The following KCTD17 variants were observed in gnomAD, a reference collection of about 807,000 sequenced individuals.
KCTD17 encodes the protein BTB/POZ domain-containing protein KCTD17.
In KCTD17, 20 loss-of-function variants were observed where a neutral mutation model predicts 41.5. The ratio of observed to expected loss-of-function variants is 0.48; its 90% CI spans 0.34 to 0.70. The LOEUF (loss-of-function observed/expected upper bound fraction) is 0.70. Ranked by LOEUF, KCTD17 falls within the 30% of genes least tolerant of loss-of-function variation. The pLI is 0.01. For missense variants in KCTD17, 317 were observed against 427.2 expected, an observed-to-expected ratio of 0.74 and a Z score of 2.27; for synonymous variants, 156 against 173.8, an observed-to-expected ratio of 0.90 and a Z score of 0.80.
chr22:37,062,627 C>A lies in KCTD17; in HGVS notation c.*33C>A, dbSNP rs765705394. 4.4e-6 allele frequency: 7 copies of A among 1,598,576 alleles called. No individual in the cohort carries two copies. In the African/African-American group the frequency reaches 8.0e-5, roughly 18 times the overall value. The stretch of plus-strand genomic sequence containing the variant: ...TATTTTTGTACCATGGGGTGGGCCC[C>A]GGGCCTGAGAAGGAAGAAGCACCCT... On this transcript the variant is annotated 3_prime_UTR_variant, in exon 9 of 9. Coordinates refer to ENST00000403888, the MANE Select transcript of KCTD17 (RefSeq NM_001282684.2).
chr22:37,062,684 G>T lies in KCTD17; in HGVS notation c.*90G>T, dbSNP rs1925938304. 3.2e-6 allele frequency: 5 copies of T among 1,546,336 alleles called. No individual in the cohort carries two copies. The highest frequency in any genetic ancestry group is 3.5e-6 in the Non-Finnish European group (4 of 1,144,654). On this transcript the variant is annotated 3_prime_UTR_variant, in exon 9 of 9. Coordinates refer to ENST00000403888, the MANE Select transcript of KCTD17 (RefSeq NM_001282684.2). ...GGCCTCCTCTGTCTGCACCCGTGGG[G>T]CTGTGACTTACTCCTGCCTCCAGGG...
rs1924730063 is a variant in KCTD17 at position 37,053,445 on chromosome 22, G to T, written c.298+237G>T. 6.6e-6 allele frequency among the ~76,000 whole-genome samples: 1 copy of T among 152,250 alleles called. No homozygotes were observed. Among genetic ancestry groups the T allele is most frequent in the Admixed American group, 6.5e-5 (1 of 15,292 alleles). On this transcript the variant is annotated intron_variant, in intron 2 of 8. Coordinates refer to ENST00000403888, the MANE Select transcript of KCTD17 (RefSeq NM_001282684.2). This position sits in a 1 kb window ranked among gnomAD's most constrained non-coding sequence, Gnocchi z 4.1. Reference sequence around the variant, plus strand: ...GTCAGGGAGGTGAAGAGACACATGTGCAGGGGATAGAGGAAGTCAGCGAGG... The same window carrying T: ...GTCAGGGAGGTGAAGAGACACATGTTCAGGGGATAGAGGAAGTCAGCGAGG...
Position 37,051,765 on chromosome 22 carries a change from G to A in KCTD17, c.5G>A (p.Arg2Lys). 1 of 1,234,320 alleles carries A rather than the reference G, an allele frequency of 8.1e-7. No homozygotes were observed. Among genetic ancestry groups the A allele is most frequent in the Non-Finnish European group, 1.0e-6 (1 of 989,714 alleles). 76.5% of individuals were successfully genotyped at this position (1,234,320 alleles called of 1,614,324 possible). The change falls in exon 1 of 9, where the codon AGG (arginine) becomes AAG (lysine). Residue 2 changes from arginine (R) to lysine (K), a missense_variant. Physicochemically the swap from Arg to Lys is conservative, Grantham distance 26 (BLOSUM62 2). Around this residue, in one of 4 missense-constraint regions of KCTD17, gnomAD observed 99 missense variants for 166.5 expected, o/e 0.59. Transcript: ENST00000403888. ...ATGCAGACGCCGCGGCCGGCGATGA[G>A]GATGGAGGCCGGGGAGGCAGCGCCG... Reference protein sequence around the residue: MRMEAGEAAPPA... With the variant: MKMEAGEAAPPA...
In KCTD17 at chr22:37,053,078, C is replaced by T. The variant is rs377530202; in HGVS notation, c.190-22C>T. 1.7e-5 allele frequency: 26 copies of T among 1,546,360 alleles called. No individual in the cohort carries two copies. The highest frequency in any genetic ancestry group is 3.8e-5 in the Admixed American group (2 of 52,590). ...GGGAGAAGCCTCACTCTTCTCTCAC[C>T]GAGCATCCCTCACCTCCATAGGATG... On this transcript the variant is annotated intron_variant, in intron 1 of 8. Transcript: ENST00000403888. This position sits in a 1 kb window ranked among gnomAD's most constrained non-coding sequence, Gnocchi z 4.1.
rs368402919 is a variant in KCTD17 at position 37,061,666 on chromosome 22, C to A, written c.875+37C>A. 3 of 1,560,780 alleles carry A rather than the reference C, an allele frequency of 1.9e-6. No individual in the cohort carries two copies. The highest frequency in any genetic ancestry group is 2.4e-5 in the East Asian group (1 of 42,524). On this transcript the variant is annotated intron_variant, in intron 8 of 8. Transcript: ENST00000403888. The surrounding 1 kb of genome is among the most constrained non-coding windows in gnomAD (Gnocchi z 6.6). Reference sequence around the variant, plus strand: ...GGCGGTGCTGGAGGGAGGGGTGGAGCGAGGAGGGTGCTCATCTCTTGATCC... The same window carrying A: ...GGCGGTGCTGGAGGGAGGGGTGGAGAGAGGAGGGTGCTCATCTCTTGATCC...
intron 2 of KCTD17, among the ~76,000 whole-genome samples, chr22:37,056,119 C>A (rs754446980): frequency 2.1e-4 from 32 of 152,162 alleles, no homozygotes; most frequent in Non-Finnish European, 1.0e-4. Context: ...TGTGTGGCAG[C>A]CCCTCAGCCC....
chr22:37,051,884 C>A lies in KCTD17; in HGVS notation c.124C>A (p.Leu42Met). The change falls in exon 1 of 9, where the codon CTG (leucine) becomes ATG (methionine). Residue 42 changes from leucine to methionine, a missense_variant. Physicochemically the swap from Leu to Met is conservative, Grantham distance 15. Around this residue, in one of 4 missense-constraint regions of KCTD17, gnomAD observed 99 missense variants for 166.5 expected, o/e 0.59. Transcript: ENST00000403888. ...GTVFLTTRQT[L>M]CREQKSFLSR... ...GGTGTTCCTGACCACCCGGCAGACG[C>A]TGTGCCGCGAGCAGAAGTCCTTCCT... 2 of 1,501,430 alleles carry A rather than the reference C, an allele frequency of 1.3e-6. No individual in the cohort carries two copies. Among genetic ancestry groups the A allele is most frequent in the African/African-American group, 1.4e-5 (1 of 69,398 alleles). 93.0% of individuals were successfully genotyped at this position (1,501,430 alleles called of 1,614,324 possible).
Position 37,059,498 on chromosome 22 carries a change from C to G in KCTD17, c.612+60C>G. On this transcript the variant is annotated intron_variant, in intron 5 of 8. Transcript: ENST00000403888. ...GTCTCCTGTCTCCCTCCACCCTCCC[C>G]GCCTGTCCCGCCCCTGCGCCTGCAC... The G allele has an allele frequency of 3.9e-6, 6 of 1,544,012 alleles. No individual in the cohort carries two copies. In the South Asian group the frequency reaches 6.1e-5, roughly 16 times the overall value.
At chr22:37,054,422 G>T (rs1282157563) in intron 2 of KCTD17, among the ~76,000 whole-genome samples, 1 of 148,750 alleles carries the variant, frequency 6.7e-6, no homozygotes, top group Admixed American at 6.6e-5. Context: ...GATCACACAG[G>T]GCTATCTGGG....
intron 3 of KCTD17, 102 bp downstream of exon 3, chr22:37,056,513 C>T: frequency 2.1e-6 from 2 of 959,906 alleles, no homozygotes; most frequent in Non-Finnish European, 3.2e-6. Flanking sequence ...GAGACAGGAC[C>T]AGTGTTTGTC....
chr22:37,056,667 C>A (rs1424974267), intron 3 of KCTD17, among the ~76,000 whole-genome samples: 1 of 152,180 alleles, frequency 6.6e-6, no homozygotes, highest in African/African-American at 2.4e-5. Context: ...CTCGCCCTCT[C>A]CGGACCTTGA....
intron 5 of KCTD17, among the ~76,000 whole-genome samples, chr22:37,060,581 C>T (rs978021162): frequency 6.6e-6 from 1 of 152,200 alleles, no homozygotes; most frequent in Non-Finnish European, 1.5e-5. Flanking sequence ...TATGTAACAG[C>T]AGCCAGGCTG....
chr22:37,061,215 T>C lies in KCTD17; in HGVS notation c.784+40T>C. 6.5e-7 allele frequency: 1 copy of C among 1,550,226 alleles called. No homozygotes were observed. Among genetic ancestry groups the C allele is most frequent in the Non-Finnish European group, 8.7e-7 (1 of 1,146,972 alleles). Reference sequence around the variant, plus strand: ...TCATCCACCTCTTCTTCCTCCTGGATCTCATCTGCACCCTGCCTCTTCCCT... The same window carrying C: ...TCATCCACCTCTTCTTCCTCCTGGACCTCATCTGCACCCTGCCTCTTCCCT... On this transcript the variant is annotated intron_variant, in intron 7 of 8. Coordinates refer to ENST00000403888, the MANE Select transcript of KCTD17 (RefSeq NM_001282684.2). This position sits in a 1 kb window ranked among gnomAD's most constrained non-coding sequence, Gnocchi z 6.6.
chr22:37,054,685 A>T (rs943434237), intron 2 of KCTD17, among the ~76,000 whole-genome samples: 3 of 152,112 alleles, frequency 2.0e-5, no homozygotes, highest in Admixed American at 6.5e-5. Flanking sequence ...TGTCATGAGG[A>T]TAAAAGGAGT....
chr22:37,054,800 G>A (rs80086725), intron 2 of KCTD17, among the ~76,000 whole-genome samples: 1,524 of 152,264 alleles, frequency 0.01, 21 homozygotes, highest in African/African-American at 0.033. Flanking sequence ...GATAATTCTC[G>A]TAATCAGGCA....
Position 37,059,428 on chromosome 22 carries a change from G to T in KCTD17, c.602G>T (p.Arg201Leu). ...TPNGLSSESS[R>L]KTKSTEEQLE... ...AACGGGCTGAGCTCAGAGTCCAGCC[G>T]CAAAACCAAGGTGAGCCCACCCGCC... The change falls in exon 5 of 9, where the codon CGC becomes CTC. Residue 201 changes from arginine to leucine, a missense_variant. Transcript: ENST00000403888. 1 of 1,609,154 alleles carries T rather than the reference G, an allele frequency of 6.2e-7. No homozygotes were observed.
At chr22:37,054,690 A>G (rs1246811546) in intron 2 of KCTD17, among the ~76,000 whole-genome samples, 1 of 152,126 alleles carries the variant, frequency 6.6e-6, no homozygotes, top group East Asian at 1.9e-4. Flanking sequence ...TGAGGATAAA[A>G]GGAGTTAATA....
intron 1 of KCTD17, 34 bp downstream of exon 1, chr22:37,051,983 T>A: frequency 7.2e-7 from 1 of 1,390,284 alleles, no homozygotes. Context: ...GAGCGGGCGG[T>A]GGGTCCTCCG....
At chr22:37,060,769 C>T (rs538704064) in intron 5 of KCTD17, 54 bp from the exon 6 acceptor site, 2 of 1,450,748 alleles carry the variant, frequency 1.4e-6, no homozygotes, top group South Asian at 1.5e-5. Flanking sequence ...AGGCCCTGGC[C>T]CCTCTGTTAG....
Sources: gnomAD v4.1 joint callset for allele counts (sites outside exome capture counted in the v4.1 genomes callset) on GRCh38, gnomAD v4.1.1 for gene constraint, gnomAD v4.1.1 regional missense constraint, Gnocchi (gnomAD v3.1) non-coding constraint, MANE v1.5 for transcripts, NCBI Gene and HGNC (gene_info 2026-07-23, HGNC 2026-07-21) for gene names.